The following RERE variants were observed in gnomAD, a reference collection of about 807,000 sequenced individuals.
The protein encoded by RERE is arginine-glutamic acid dipeptide repeats, also known as arginine-glutamic acid dipeptide repeats protein.
A neutral mutation model predicts 146.1 loss-of-function variants in RERE; 40 were observed. The observed-to-expected ratio is 0.27, with a 90% CI of 0.21 to 0.36. The LOEUF is 0.36. RERE is among the 10% of genes least tolerant of loss of function. The pLI is 1.00. For synonymous variants in RERE, 1,003 were observed against 866.0 expected (o/e 1.16, Z -2.78); for missense variants, 1,933 against 2,138.7 (o/e 0.90, Z 1.90).
rs111934998 is a variant in RERE at position 8,750,793 on chromosome 1, T to C, written c.-145+66367A>G. On this transcript the variant is annotated intron_variant, in intron 1 of 22. Coordinates refer to ENST00000400908, the MANE Select transcript of RERE (RefSeq NM_001042681.2). The stretch of plus-strand genomic sequence containing the variant: ...TTTATCAAATCTTCAGTGGAACCTT[T>C]GTGAAGCTCAACAAGGCTTCAATTA... The C allele has an allele frequency of 2.2e-4, 181 of 809,412 alleles. No individual in the cohort carries two copies. In the African/African-American group the frequency reaches 2.8e-3, roughly 12 times the overall value. 50.1% of individuals were successfully genotyped at this position (809,412 alleles called of 1,614,324 possible).
At chr1:8,616,829 G>A (rs930689992) in intron 3 of RERE, among the ~76,000 whole-genome samples, 1 of 152,202 alleles carries the variant, frequency 6.6e-6, no homozygotes, top group African/African-American at 2.4e-5. Flanking sequence ...GGCAAGCTCA[G>A]AAAATGGGGC....
chr1:8,681,759 C>T (rs1000871685), intron 1 of RERE, among the ~76,000 whole-genome samples: 6 of 152,050 alleles, frequency 3.9e-5, no homozygotes, highest in Non-Finnish European at 8.8e-5. Context: ...AACGCAATCA[C>T]CACAGATTTC....
At chr1:8,563,782 G>A (rs1646105786) in intron 4 of RERE, among the ~76,000 whole-genome samples, 1 of 152,208 alleles carries the variant, frequency 6.6e-6, no homozygotes, top group African/African-American at 2.4e-5. Flanking sequence ...TTGGGATGAA[G>A]TGGCTAACAT....
chr1:8,738,996 C>T (rs1232256934), intron 1 of RERE, among the ~76,000 whole-genome samples: 7 of 152,162 alleles, frequency 4.6e-5, no homozygotes, highest in African/African-American at 1.7e-4. Flanking sequence ...CAAATATGCT[C>T]TCTCTTTATG....
chr1:8,735,121 T>C (rs1401902316), intron 1 of RERE, among the ~76,000 whole-genome samples: 1 of 152,166 alleles, frequency 6.6e-6, no homozygotes, highest in African/African-American at 2.4e-5. Context: ...ATTATCCTAG[T>C]TTTATTGACA....
At chr1:8,365,778 C>A (rs1261940754) in intron 13 of RERE, 34 bp downstream of exon 13, 2 of 1,610,502 alleles carry the variant, frequency 1.2e-6, no homozygotes, top group Non-Finnish European at 1.7e-6. Context: ...ACAGTCTCCC[C>A]TCCGCCCACT....
At chr1:8,482,899 T>C (rs1186277215) in intron 10 of RERE, among the ~76,000 whole-genome samples, 1 of 152,144 alleles carries the variant, frequency 6.6e-6, no homozygotes, top group Non-Finnish European at 1.5e-5. Flanking sequence ...TTATATATTA[T>C]TATGCTAATA....
chr1:8,782,808 A>T (rs749803287), intron 1 of RERE, among the ~76,000 whole-genome samples: 119 of 152,198 alleles, frequency 7.8e-4, no homozygotes, highest in Non-Finnish European at 1.5e-4. Flanking sequence ...CAGGAGGCCG[A>T]GGCAGGAGAA....
At chr1:8,499,638 T>C (rs139498858) in intron 8 of RERE, among the ~76,000 whole-genome samples, 30 of 152,380 alleles carry the variant, frequency 2.0e-4, no homozygotes, top group South Asian at 1.2e-3. Context: ...GTAGGCCATG[T>C]GGCTCTCAGG....
intron 1 of RERE, among the ~76,000 whole-genome samples, chr1:8,723,280 A>C (rs183081283): frequency 1.3e-4 from 20 of 152,354 alleles, no homozygotes; most frequent in Admixed American, 2.0e-4. Context: ...TCAGTCTGAA[A>C]GGACTTCTAC....
intron 2 of RERE, among the ~76,000 whole-genome samples, chr1:8,648,856 ACAAT>A (rs1331078446): frequency 6.6e-6 from 1 of 152,204 alleles, no homozygotes; most frequent in African/African-American, 2.4e-5. Context: ...GGTAAATAGG[ACAAT>A]CAAACAAAAT....
At chr1:8,726,925 C>G (rs1639981455) in intron 1 of RERE, among the ~76,000 whole-genome samples, 1 of 152,010 alleles carries the variant, frequency 6.6e-6, no homozygotes, top group Non-Finnish European at 1.5e-5. Flanking sequence ...CCTACCTCAG[C>G]CTCCAGAGTA....
chr1:8,721,041 G>C (rs942854844), intron 1 of RERE, among the ~76,000 whole-genome samples: 1 of 152,010 alleles, frequency 6.6e-6, no homozygotes, highest in Non-Finnish European at 1.5e-5. Flanking sequence ...GTGACAGAGC[G>C]AGACTCTATC....
In RERE at chr1:8,423,618, CG is replaced by C; in HGVS notation, c.1204-812del. 1 of 985,180 alleles carries C rather than the reference CG, an allele frequency of 1.0e-6. No homozygotes were observed. Among genetic ancestry groups the C allele is most frequent in the Non-Finnish European group, 1.2e-6 (1 of 829,870 alleles). 61.0% of individuals were successfully genotyped at this position (985,180 alleles called of 1,614,324 possible). A position where few individuals can be genotyped will look rare whatever the true frequency, so the allele number is the denominator to read the frequency against. ...ACCCCAGCAGCCACAGGTAAGCGCC[CG>C]GGGTCCGGGGCGGCAAGAGGCCGTC... On this transcript the variant is annotated intron_variant, in intron 11 of 22. Transcript: ENST00000400908. This position sits in a 1 kb window ranked among gnomAD's most constrained non-coding sequence, Gnocchi z 5.4.
At chr1:8,567,584 G>A (rs556330594) in intron 4 of RERE, among the ~76,000 whole-genome samples, 53 of 152,298 alleles carry the variant, frequency 3.5e-4, no homozygotes, top group South Asian at 1.0e-3. Context: ...AACTAAAACA[G>A]TGCATGAAAA....
intron 1 of RERE, among the ~76,000 whole-genome samples, chr1:8,807,527 A>G (rs1320709172): frequency 6.6e-6 from 1 of 152,102 alleles, no homozygotes. Flanking sequence ...CAGACCAACA[A>G]GAGGTCTTGC....
chr1:8,815,604 G>C (rs184509262), intron 1 of RERE, among the ~76,000 whole-genome samples: 1 of 152,310 alleles, frequency 6.6e-6, no homozygotes. Context: ...ACATGTTTTT[G>C]AGTGTCCTTT....
At chr1:8,357,687 C>T (rs988519974) in intron 20 of RERE, among the ~76,000 whole-genome samples, 2 of 152,238 alleles carry the variant, frequency 1.3e-5, no homozygotes, top group Non-Finnish European at 2.9e-5. Context: ...GGAGCTCCTA[C>T]TTCCAGGGTG....
chr1:8,683,735 G>A (rs1406451679), intron 1 of RERE, among the ~76,000 whole-genome samples: 1 of 152,160 alleles, frequency 6.6e-6, no homozygotes, highest in Non-Finnish European at 1.5e-5. Context: ...CTGAGGTCAG[G>A]AGTTTGAAAC....
Sources: gnomAD v4.1 joint callset for allele counts (sites outside exome capture counted in the v4.1 genomes callset) on GRCh38, gnomAD v4.1.1 for gene constraint, Gnocchi (gnomAD v3.1) non-coding constraint, MANE v1.5 for transcripts, NCBI Gene and HGNC (gene_info 2026-07-23, HGNC 2026-07-21) for gene names.